The following VPS13B variants were observed in gnomAD, a reference collection of about 807,000 sequenced individuals.
VPS13B encodes the protein vacuolar protein sorting 13 homolog B.
In VPS13B, 285 loss-of-function variants were observed where a neutral mutation model predicts 426.4. The observed-to-expected ratio is 0.67, with a 90% confidence interval of 0.61 to 0.74. The LOEUF (loss-of-function observed/expected upper bound fraction) is 0.74. VPS13B is among the 30% of genes least tolerant of loss of function. The probability of loss-of-function intolerance (pLI) is 0.00; values close to 1 mark genes in which losing one functional copy is unlikely to be tolerated. For missense variants in VPS13B, 4,537 were observed against 4,782.6 expected (o/e 0.95, Z 1.51); for synonymous variants, 1,676 against 1,676.4 (o/e 1.00, Z 0.01).
intron 43 of VPS13B, 41 bp from the exon 44 acceptor site, chr8:99,809,334 G>A (rs1563484206): frequency 1.2e-6 from 2 of 1,613,172 alleles, no homozygotes; most frequent in East Asian, 4.5e-5. Flanking sequence ...GGTTTTTGTT[G>A]GCACGTTTGG....
At chr8:99,309,796 G>A (rs1820853171) in intron 19 of VPS13B, among the ~76,000 whole-genome samples, 1 of 152,154 alleles carries the variant, frequency 6.6e-6, no homozygotes, top group Non-Finnish European at 1.5e-5. Flanking sequence ...TCATGATATT[G>A]ATTCTTCCTA....
At chr8:99,050,514 T>C (rs1039161931) in intron 3 of VPS13B, among the ~76,000 whole-genome samples, 4 of 152,206 alleles carry the variant, frequency 2.6e-5, no homozygotes, top group African/African-American at 7.2e-5. Flanking sequence ...TGTGTCTTTA[T>C]AGCAGCATGA....
At chr8:99,560,412 C>T (rs374193221) in intron 31 of VPS13B, among the ~76,000 whole-genome samples, 28 of 152,236 alleles carry the variant, frequency 1.8e-4, no homozygotes, top group Middle Eastern at 3.4e-3. Context: ...TTTGTGTGTG[C>T]TCCTATCACA....
chr8:99,157,254 GTGTGTGTA>G (rs927915549), intron 15 of VPS13B, among the ~76,000 whole-genome samples: 2 of 150,000 alleles, frequency 1.3e-5, no homozygotes. Flanking sequence ...TAGTAATTGT[GTGTGTGTA>G]TGTGTGTGTG....
intron 17 of VPS13B, among the ~76,000 whole-genome samples, chr8:99,204,251 A>G (rs555648011): frequency 1.3e-5 from 2 of 152,230 alleles, no homozygotes; most frequent in Non-Finnish European, 2.9e-5. Context: ...AAAAACTAGC[A>G]ATGGGGAAAG....
intron 21 of VPS13B, among the ~76,000 whole-genome samples, chr8:99,423,423 ATT>A (rs202230044): frequency 2.9e-5 from 4 of 138,392 alleles, no homozygotes; most frequent in Admixed American, 7.3e-5. Flanking sequence ...CATCTAGCTA[ATT>A]TTTTTTTTTT....
intron 14 of VPS13B, among the ~76,000 whole-genome samples, chr8:99,153,537 A>G (rs1811188098): frequency 6.6e-6 from 1 of 152,168 alleles, no homozygotes; most frequent in Admixed American, 6.5e-5. Context: ...TCCACTTTCA[A>G]ATAACACCAT....
Position 99,867,995 on chromosome 8 carries a change from GATGT to G in VPS13B, c.11216-290_11216-287del, listed in dbSNP as rs140843750. On this transcript the variant is annotated intron_variant, in intron 58 of 61. Coordinates refer to ENST00000357162, the MANE Select transcript of VPS13B (RefSeq NM_152564.5). ...CTTTGTTGCCTGACTTCTGAGGAAA[GATGT>G]ATGGATGACACTCTGAATAGCCTGA... The G allele has an allele frequency of 1.5e-3, 567 of 384,314 alleles. 7 individuals carry two copies. Among genetic ancestry groups the G allele is most frequent in the African/African-American group, 0.011 (527 of 48,188 alleles). The allele number at this position is 384,314 out of a possible 1,614,324, so 23.8% of individuals were successfully genotyped here.
At chr8:99,551,965 C>T (rs1824304963) in intron 30 of VPS13B, among the ~76,000 whole-genome samples, 1 of 151,972 alleles carries the variant, frequency 6.6e-6, no homozygotes, top group African/African-American at 2.4e-5. Flanking sequence ...ATATTGCCTC[C>T]TCCTTGTTCT....
In VPS13B at chr8:99,832,492, G is replaced by T; in HGVS notation, c.9454G>T (p.Ala3152Ser). 6.2e-7 allele frequency: 1 copy of T among 1,613,548 alleles called. No homozygotes were observed. The highest frequency in any genetic ancestry group is 8.5e-7 in the Non-Finnish European group (1 of 1,179,954). Reference sequence around the variant, plus strand: ...TGACATCAGTCAGTCAGTACTGGATGCATCCCTGCTTCAGAAACAGATCAT... The same window carrying T: ...TGACATCAGTCAGTCAGTACTGGATTCATCCCTGCTTCAGAAACAGATCAT... ...MPDISQSVLDASLLQKQIMLG... is the reference protein window; with the variant it reads ...MPDISQSVLDSSLLQKQIMLG... The change falls in exon 52 of 62, where the codon GCA (alanine) becomes TCA (serine). Residue 3152 changes from alanine to serine, a missense_variant. By Grantham distance (99) the Ala-to-Ser change is moderately conservative. Coordinates refer to ENST00000357162, the MANE Select transcript of VPS13B (RefSeq NM_152564.5).
chr8:99,061,296 C>CTTTTTTTTTTTTTTTT (rs36037937), intron 3 of VPS13B, among the ~76,000 whole-genome samples: 6 of 112,934 alleles, frequency 5.3e-5, no homozygotes, highest in Non-Finnish European at 8.8e-5. Flanking sequence ...TGCTAATTTT[C>CTTTTTTTTTTTTTTTT]TTTTTTTTTT....
At chr8:99,117,966 TTAAAA>T (rs1847756879) in intron 7 of VPS13B, among the ~76,000 whole-genome samples, 1 of 152,148 alleles carries the variant, frequency 6.6e-6, no homozygotes, top group Non-Finnish European at 1.5e-5. Context: ...TCTTACTACC[TTAAAA>T]TAAAGCATAG....
At position 99,778,938 on chromosome 8, in the gene VPS13B, G is replaced by A. The variant is rs1253906756; in HGVS notation, c.7686G>A (p.Leu2562=). 3.7e-6 allele frequency: 6 copies of A among 1,613,962 alleles called. 1 individual carries two copies. In the South Asian group the frequency reaches 6.6e-5, roughly 18 times the overall value. ...MAVSSDVVEK[L]LDCTVIVDSV... ...TTTCCAGCGATGTAGTGGAAAAGCT[G>A]CTTGACTGCACCGTGATAGTTGATT... Residue 2562 remains leucine (L), a synonymous_variant, in exon 42 of 62, where the codon CTG becomes CTA. Coordinates refer to ENST00000357162, the MANE Select transcript of VPS13B (RefSeq NM_152564.5).
intron 7 of VPS13B, 39 bp downstream of exon 7, chr8:99,115,913 GACT>G (rs1847632837): frequency 6.3e-7 from 1 of 1,597,244 alleles, no homozygotes; most frequent in Non-Finnish European, 8.6e-7. Context: ...TTTATTTTAA[GACT>G]ATTCTTACGT....
chr8:99,322,210 G>T (rs540290926), intron 19 of VPS13B, among the ~76,000 whole-genome samples: 1 of 152,096 alleles, frequency 6.6e-6, no homozygotes, highest in Admixed American at 6.6e-5. Flanking sequence ...ATAGTTTAGA[G>T]CAAAATAGCC....
chr8:99,474,241 T>A (rs1182274142), intron 24 of VPS13B, among the ~76,000 whole-genome samples: 1 of 143,578 alleles, frequency 7.0e-6, no homozygotes, highest in Non-Finnish European at 1.5e-5. Flanking sequence ...CAGGGTGGAG[T>A]GCAGTGATGT....
At position 99,819,426 on chromosome 8, in the gene VPS13B, C is replaced by G; in HGVS notation, c.8636C>G (p.Pro2879Arg). The G allele has an allele frequency of 6.2e-7, 1 of 1,613,660 alleles. No homozygotes were observed. The highest frequency in any genetic ancestry group is 1.1e-5 in the South Asian group (1 of 91,066). The change falls in exon 48 of 62, where the codon CCT becomes CGT. Residue 2879 changes from proline (P) to arginine (R), a missense_variant. By Grantham distance (103) the Pro-to-Arg change is moderately radical. Coordinates refer to ENST00000357162, the MANE Select transcript of VPS13B (RefSeq NM_152564.5). The stretch of plus-strand genomic sequence containing the variant: ...CAATTTCCTAGAGAAGAATATGATC[C>G]TTCAGATTGTGCAGTTCCCATCTCA... ...LTFQAREEYD[P>R]SDCAVPISTS...
chr8:99,695,176 G>C (rs1439489484), intron 35 of VPS13B, among the ~76,000 whole-genome samples: 1 of 151,564 alleles, frequency 6.6e-6, no homozygotes, highest in South Asian at 2.1e-4. Flanking sequence ...AATACCATTT[G>C]ACCCAGCCAT....
At chr8:99,744,483 G>T (rs1258497817) in intron 39 of VPS13B, among the ~76,000 whole-genome samples, 1 of 152,118 alleles carries the variant, frequency 6.6e-6, no homozygotes, top group Non-Finnish European at 1.5e-5. Context: ...TATACCCAAA[G>T]GATTATAAAT....
Sources: allele counts gnomAD v4.1 joint callset (sites outside exome capture counted in the v4.1 genomes callset), GRCh38; gene constraint gnomAD v4.1.1; transcripts MANE v1.5; gene names NCBI Gene and HGNC (gene_info 2026-07-23, HGNC 2026-07-21).